The following PLCH2 variants were observed in gnomAD, a reference collection of about 807,000 sequenced individuals.
The protein encoded by PLCH2 is phospholipase C eta 2, also known as 1-phosphatidylinositol 4,5-bisphosphate phosphodiesterase eta-2.
A neutral mutation model predicts 134.7 loss-of-function variants in PLCH2; 98 were observed. The observed-to-expected ratio is 0.73, with a 90% CI of 0.62 to 0.86. The LOEUF is 0.86. PLCH2 is among the 40% of genes least tolerant of loss of function. PLCH2 has a pLI of 0.00. For missense variants in PLCH2, 1,994 were observed against 1,986.6 expected (o/e 1.00, Z -0.07); for synonymous variants, 974 against 827.5 (o/e 1.18, Z -3.04).
At chr1:2,502,878 A>G in intron 21 of PLCH2, 1 of 717,154 alleles carries the variant, frequency 1.4e-6, no homozygotes, top group Non-Finnish European at 2.6e-6. Flanking sequence ...AAGCTGGAGG[A>G]GATCAGGAGT....
intron 20 of PLCH2, chr1:2,500,073 C>T (rs532104457): frequency 1.3e-4 from 47 of 359,332 alleles, no homozygotes; most frequent in African/African-American, 6.5e-4. Context: ...CAGCAGGGAC[C>T]GAGTGATGCC....
At chr1:2,440,957 C>T (rs986308167) in intron 2 of PLCH2, among the ~76,000 whole-genome samples, 27 of 152,284 alleles carry the variant, frequency 1.8e-4, no homozygotes, top group African/African-American at 4.8e-4. Context: ...CCACAACTGC[C>T]AAGATCTGGC....
In PLCH2 at chr1:2,476,580, C is replaced by G. The variant is rs752632317; in HGVS notation, c.-9C>G. On this transcript the variant is annotated 5_prime_UTR_variant, in exon 1 of 22. Transcript: ENST00000378486. Reference sequence around the variant, plus strand: ...GCCTCCGTGAAGCAGGCCCGGCTGTCGTCAGGCCATGTCTGGTCCATGGCC... The same window carrying G: ...GCCTCCGTGAAGCAGGCCCGGCTGTGGTCAGGCCATGTCTGGTCCATGGCC... The G allele has an allele frequency of 7.2e-6, 11 of 1,518,018 alleles. No individual in the cohort carries two copies. The African/African-American group carries it at 1.5e-4, about 21-fold the overall frequency. The allele number at this position is 1,518,018 out of a possible 1,614,324, so 94.0% of individuals were successfully genotyped here.
intron 2 of PLCH2, among the ~76,000 whole-genome samples, chr1:2,462,066 T>C (rs933940666): frequency 7.7e-6 from 1 of 130,700 alleles, no homozygotes; most frequent in African/African-American, 2.9e-5. Flanking sequence ...CTCCTCCACC[T>C]GACACCACTC....
At chr1:2,468,549 G>T (rs1263037791) in intron 1 of PLCH2, among the ~76,000 whole-genome samples, 1 of 131,254 alleles carries the variant, frequency 7.6e-6, no homozygotes, top group Admixed American at 7.3e-5. Context: ...CAAACACAGC[G>T]CTAGCTCTGG....
chr1:2,431,225 C>T (rs1259401598), intron 2 of PLCH2, among the ~76,000 whole-genome samples: 1 of 151,898 alleles, frequency 6.6e-6, no homozygotes, highest in Non-Finnish European at 1.5e-5. Flanking sequence ...GGCGGCCGCT[C>T]CCAGGCAAGA....
At position 2,454,534 on chromosome 1, in the gene PLCH2, C is replaced by T. The variant is rs556108569; in HGVS notation, c.115+23905C>T. On this transcript the variant is annotated intron_variant, in intron 2 of 3. Transcript: ENST00000609981. ...CCCAGGGGCTGAACCAGCAATGCACCGAGTGGACCGTGTCCCTTTACTTGG... is the reference window on the plus strand; with the variant it reads ...CCCAGGGGCTGAACCAGCAATGCACTGAGTGGACCGTGTCCCTTTACTTGG... Among the ~76,000 whole-genome samples, 8 of 152,254 alleles carry T rather than the reference C, an allele frequency of 5.3e-5. 1 individual carries two copies. Among genetic ancestry groups the T allele is most frequent in the Admixed American group, 1.3e-4 (2 of 15,302 alleles).
At chr1:2,491,414 A>C (rs1226807996) in intron 11 of PLCH2, 79 bp downstream of exon 11, 3 of 1,472,024 alleles carry the variant, frequency 2.0e-6, no homozygotes, top group Non-Finnish European at 2.8e-6. Flanking sequence ...AGGGCCCCCG[A>C]ACGTATGCTC....
intron 1 of PLCH2, among the ~76,000 whole-genome samples, chr1:2,469,496 G>C (rs776746262): frequency 6.6e-6 from 1 of 152,214 alleles, no homozygotes; most frequent in African/African-American, 2.4e-5. Context: ...AGCTGATGAC[G>C]ATGGCGTCCC....
upstream of PLCH2, among the ~76,000 whole-genome samples, chr1:2,463,110 C>A (rs1310325608): frequency 6.6e-6 from 1 of 152,184 alleles, no homozygotes; most frequent in African/African-American, 2.4e-5. Flanking sequence ...GCGCTTGGCA[C>A]CTCTGAGAGG....
Position 2,487,651 on chromosome 1 carries a change from C to T in PLCH2, c.1168C>T (p.Leu390=), listed in dbSNP as rs1642358262. The T allele has an allele frequency of 2.5e-6, 4 of 1,613,450 alleles. No individual in the cohort carries two copies. The South Asian group carries it at 3.3e-5, about 13-fold the overall frequency. ...GCCCATTGTGCACCATGGCTACACT[C>T]TGACTTCCAAGATCCTCTTCAAAGA... ...GEPIVHHGYT[L]TSKILFKDVI... is the part of the protein sequence containing the mutation. The change falls in exon 8 of 22, where the codon CTG becomes TTG. Residue 390 remains leucine (L), a synonymous_variant. Coordinates refer to ENST00000378486, the MANE Select transcript of PLCH2 (RefSeq NM_014638.4).
chr1:2,431,773 A>G (rs758096182), intron 2 of PLCH2, among the ~76,000 whole-genome samples: 1 of 151,908 alleles, frequency 6.6e-6, no homozygotes, highest in Non-Finnish European at 1.5e-5. Flanking sequence ...ACCCCTTGTT[A>G]CTGTCCCCGC....
chr1:2,468,227 C>T (rs1477721443), intron 1 of PLCH2, among the ~76,000 whole-genome samples: 1 of 152,248 alleles, frequency 6.6e-6, no homozygotes, highest in Non-Finnish European at 1.5e-5. Flanking sequence ...CTGCTGCTTT[C>T]TCTGGGGGGC....
Position 2,494,906 on chromosome 1 carries a change from A to G in PLCH2, c.1710A>G (p.Arg570=), listed in dbSNP as rs972191591. 6.2e-7 allele frequency: 1 copy of G among 1,605,720 alleles called. No homozygotes were observed. Residue 570 remains arginine, a synonymous_variant, in exon 12 of 22, where the codon AGA becomes AGG. Coordinates refer to ENST00000378486, the MANE Select transcript of PLCH2 (RefSeq NM_014638.4). ...VESGEDAGAS[R]RNGRLVVGSF... ...CTGGGGAGGATGCCGGGGCCAGCAG[A>G]CGCAATGGCCGCCTCGTCGTGGGAA... is the stretch of plus-strand genomic sequence containing the variant.
intron 2 of PLCH2, among the ~76,000 whole-genome samples, chr1:2,437,475 C>T (rs879644424): frequency 2.6e-5 from 4 of 152,122 alleles, no homozygotes; most frequent in East Asian, 3.9e-4. Flanking sequence ...GCACCCACCG[C>T]AACTAGGGGG....
At chr1:2,494,704 G>A (rs376086177) in intron 11 of PLCH2, among the ~76,000 whole-genome samples, 152 bp from the exon 12 acceptor site, 219 of 143,300 alleles carry the variant, frequency 1.5e-3, no homozygotes, top group East Asian at 2.5e-3. Context: ...ACCTGTCCCC[G>A]CCCTGCCCTC....
At chr1:2,420,478 C>G in the PLCH2 span, among the ~76,000 whole-genome samples, 1 of 152,118 alleles carries the variant, frequency 6.6e-6, no homozygotes, top group Admixed American at 6.5e-5. Flanking sequence ...CGGTTATGTC[C>G]CGGTAGGTAG....
At chr1:2,474,497 T>C (rs1641510066), upstream of PLCH2, among the ~76,000 whole-genome samples, 2 of 152,140 alleles carry the variant, frequency 1.3e-5, no homozygotes, top group Admixed American at 1.3e-4. Flanking sequence ...ACCCACGTTG[T>C]GGGGCTGGGG....
intron 2 of PLCH2, among the ~76,000 whole-genome samples, chr1:2,447,600 C>A (rs1218758801): frequency 2.6e-5 from 4 of 152,198 alleles, no homozygotes; most frequent in African/African-American, 9.7e-5. Flanking sequence ...AGCTGCTGAC[C>A]CTGGAGAGAC....
Sources: gnomAD v4.1 joint callset for allele counts (sites outside exome capture counted in the v4.1 genomes callset) on GRCh38, gnomAD v4.1.1 for gene constraint, MANE v1.5 for transcripts, NCBI Gene and HGNC (gene_info 2026-07-23, HGNC 2026-07-21) for gene names.